The following GNL2 variants were observed in gnomAD, a reference collection of about 807,000 sequenced individuals.
The protein encoded by GNL2 is G protein nucleolar 2.
Under a neutral mutation model 92.3 loss-of-function variants are expected in GNL2, and 51 were observed. The ratio of observed to expected loss-of-function variants is 0.55; its 90% confidence interval spans 0.44 to 0.70. The LOEUF is 0.70. Among genes scored for constraint, GNL2 ranks in the 30% least tolerant of loss-of-function variants. The probability of loss-of-function intolerance (pLI) is 0.00; values close to 1 mark genes in which losing one functional copy is unlikely to be tolerated. For missense variants in GNL2, 844 were observed against 895.6 expected, an observed-to-expected ratio of 0.94 and a Z score of 0.74; for synonymous variants, 283 against 300.6, an observed-to-expected ratio of 0.94 and a Z score of 0.61.
Position 37,580,149 on chromosome 1 carries a change from C to T in GNL2, c.909+2074G>A, listed in dbSNP as rs181806275. Among the ~76,000 whole-genome samples, 11 of 152,210 alleles carry T rather than the reference C, an allele frequency of 7.2e-5. 1 individual carries two copies. The East Asian group carries it at 1.7e-3, about 24-fold the overall frequency. On this transcript the variant is annotated intron_variant, in intron 8 of 15. Transcript: ENST00000373062. The stretch of plus-strand genomic sequence containing the variant: ...AAATTTTAGAATAAGAAAAGATTGG[C>T]TGGGCGTGGTGGCACACACCTGTAA...
chr1:37,579,796 T>A (rs1223050004), intron 8 of GNL2, among the ~76,000 whole-genome samples: 5 of 145,820 alleles, frequency 3.4e-5, no homozygotes, highest in Non-Finnish European at 7.4e-5. Flanking sequence ...CTCGGGAGGC[T>A]GAGGCAGGAG....
intron 1 of GNL2, among the ~76,000 whole-genome samples, chr1:37,594,403 T>C (rs1176159366): frequency 6.6e-6 from 1 of 152,258 alleles, no homozygotes; most frequent in South Asian, 2.1e-4. Flanking sequence ...ACTTTCTTAA[T>C]GTTTGATTTT....
Position 37,590,669 on chromosome 1 carries a change from CAGGAAATTCCATCACCAGGGAT to C in GNL2, c.384+15_384+36del. The C allele has an allele frequency of 6.4e-7, 1 of 1,572,176 alleles. No homozygotes were observed. The highest frequency in any genetic ancestry group is 8.8e-7 in the Non-Finnish European group (1 of 1,142,710). On this transcript the variant is annotated intron_variant, in intron 4 of 15. Transcript: ENST00000373062. ...GAGAGGGATCTGCATGGAGTTTGCCCAGGAAATTCCATCACCAGGGATATCCTACATCTTACATGAGGCCGGA... is the reference window on the plus strand; with the variant it reads ...GAGAGGGATCTGCATGGAGTTTGCCCATCCTACATCTTACATGAGGCCGGA...
Position 37,575,372 on chromosome 1 carries a change from A to G in GNL2, c.1143+223T>C, listed in dbSNP as rs149620533. Among the ~76,000 whole-genome samples, 43 of 152,332 alleles carry G rather than the reference A, an allele frequency of 2.8e-4. No homozygotes were observed. The highest frequency in any genetic ancestry group is 1.0e-3 in the African/African-American group (43 of 41,580). ...CCTTTGGATCCTGTGTGTAAACTAC[A>G]AACTCTTTTGTGGGATGATATTGAC... is the stretch of plus-strand genomic sequence containing the variant. On this transcript the variant is annotated intron_variant, in intron 10 of 15. Transcript: ENST00000373062. This position sits in a 1 kb window ranked among gnomAD's most constrained non-coding sequence, Gnocchi z 4.1.
chr1:37,593,892 G>T, intron 1 of GNL2, 46 bp from the exon 2 acceptor site: 1 of 1,391,444 alleles, frequency 7.2e-7, no homozygotes, highest in Non-Finnish European at 1.0e-6. Flanking sequence ...TAACCAACCA[G>T]TATAACCAAC....
chr1:37,595,776 T>C lies in GNL2; in HGVS notation c.47A>G (p.Lys16Arg), dbSNP rs1443048935. Residue 16 changes from lysine (K) to arginine (R), a missense_variant, in exon 1 of 16, where the codon AAG (lysine) becomes AGG (arginine). Physicochemically the swap from Lys to Arg is conservative, Grantham distance 26. Transcript: ENST00000373062. ...YKGRSTINPS[K>R]ASTNPDRVQG... ...GCCTGTACCTGGGTTTGTGCTGGCC[T>C]TGGACGGGTTGATGGTGCTCCGTCC... is the stretch of plus-strand genomic sequence containing the variant. 6.2e-7 allele frequency: 1 copy of C among 1,614,080 alleles called. No homozygotes were observed. The highest frequency in any genetic ancestry group is 1.3e-5 in the African/African-American group (1 of 74,944).
At position 37,569,115 on chromosome 1, in the gene GNL2, T is replaced by TAA; in HGVS notation, c.1603_1604insTT (p.Lys535IlefsTer78). On this transcript the variant is annotated frameshift_variant, in exon 13 of 16. Transcript: ENST00000373062. LOFTEE classifies it high-confidence loss of function. ...AGAAAACTGAGGCACCACGTTGATT[T>TAA]TACCAAAGTTCTGCCGAACTCGTGT... 6.2e-7 allele frequency: 1 copy of TAA among 1,614,222 alleles called. No homozygotes were observed. The highest frequency in any genetic ancestry group is 8.5e-7 in the Non-Finnish European group (1 of 1,180,044).
chr1:37,583,900 T>C lies in GNL2; in HGVS notation c.603A>G (p.Gly201=). The change falls in exon 6 of 16, where the codon GGA becomes GGG. Residue 201 remains glycine, a synonymous_variant. Coordinates refer to ENST00000373062, the MANE Select transcript of GNL2 (RefSeq NM_013285.3). ...NEAQEEIYKK[G]QSKRIWGELY... ...GCTCACCCCATATTCTTTTGGACTGTCCCTTTTTATAGATCTCTTCTTGAG... is the reference window on the plus strand; with the variant it reads ...GCTCACCCCATATTCTTTTGGACTGCCCCTTTTTATAGATCTCTTCTTGAG... 3 of 1,589,232 alleles carry C rather than the reference T, an allele frequency of 1.9e-6. No individual in the cohort carries two copies. Among genetic ancestry groups the C allele is most frequent in the Non-Finnish European group, 2.6e-6 (3 of 1,157,056 alleles).
At chr1:37,593,950 A>C in intron 1 of GNL2, 104 bp from the exon 2 acceptor site, 1 of 749,678 alleles carries the variant, frequency 1.3e-6, no homozygotes, top group Non-Finnish European at 2.2e-6. Context: ...ATTAGGTAAG[A>C]AGCCACCAAC....
At chr1:37,574,195 A>G in intron 12 of GNL2, 148 bp downstream of exon 12, 2 of 429,504 alleles carry the variant, frequency 4.7e-6, no homozygotes, top group South Asian at 1.3e-4. Flanking sequence ...CCCGGCCCCA[A>G]AAATATTTTT....
intron 4 of GNL2, among the ~76,000 whole-genome samples, chr1:37,588,483 C>T (rs1643869634): frequency 6.6e-6 from 1 of 152,136 alleles, no homozygotes; most frequent in Admixed American, 6.6e-5. Flanking sequence ...CTACGTTCCA[C>T]TCGGGAGCAT....
In GNL2 at chr1:37,575,085, TG is replaced by T. The variant is rs1159824386; in HGVS notation, c.1144-263del. Among the ~76,000 whole-genome samples, 2 of 152,132 alleles carry T rather than the reference TG, an allele frequency of 1.3e-5. No homozygotes were observed. Among genetic ancestry groups the T allele is most frequent in the African/African-American group, 4.8e-5 (2 of 41,418 alleles). ...CTGTGTGGCTGCCACAGTTTAAACT[TG>T]GAATGCTTCATGTTACTCACTTGCA... On this transcript the variant is annotated intron_variant, in intron 10 of 15. Coordinates refer to ENST00000373062, the MANE Select transcript of GNL2 (RefSeq NM_013285.3). This position sits in a 1 kb window ranked among gnomAD's most constrained non-coding sequence, Gnocchi z 4.1.
At chr1:37,590,098 C>T (rs777847769) in intron 4 of GNL2, among the ~76,000 whole-genome samples, 3 of 152,108 alleles carry the variant, frequency 2.0e-5, no homozygotes, top group Non-Finnish European at 4.4e-5. Flanking sequence ...CCAAGGAGGT[C>T]GGTTATCTAT....
chr1:37,582,244 C>A lies in GNL2; in HGVS notation c.888G>T (p.Gln296His). ...ATACCTTTCCAAACTGCCGCAGAAGCTGAATGAATGCTCCCTTGCCAAACG... is the reference window on the plus strand; with the variant it reads ...ATACCTTTCCAAACTGCCGCAGAAGATGAATGAATGCTCCCTTGCCAAACG... ...TNPFGKGAFI[Q>H]LLRQFGKLHT... Residue 296 changes from glutamine (Q) to histidine (H), a missense_variant, in exon 8 of 16, where the codon CAG (glutamine) becomes CAT (histidine). By Grantham distance (24) the Gln-to-His change is conservative (BLOSUM62 0). Transcript: ENST00000373062. 6.2e-7 allele frequency: 1 copy of A among 1,611,598 alleles called. No individual in the cohort carries two copies. The highest frequency in any genetic ancestry group is 1.1e-5 in the South Asian group (1 of 90,760).
At chr1:37,578,294 C>T (rs1643709563) in intron 8 of GNL2, among the ~76,000 whole-genome samples, 1 of 151,952 alleles carries the variant, frequency 6.6e-6, no homozygotes, top group African/African-American at 2.4e-5. Context: ...CAAAAATTAA[C>T]CAGGTCTGGT....
intron 2 of GNL2, 137 bp downstream of exon 2, chr1:37,593,625 C>A: frequency 3.3e-6 from 2 of 614,022 alleles, no homozygotes; most frequent in Non-Finnish European, 5.8e-6. Context: ...TAACGACACT[C>A]ACGTACAATT....
At position 37,567,808 on chromosome 1, in the gene GNL2, T is replaced by G. The variant is rs376833080; in HGVS notation, c.1952-44A>C. 1.1e-5 allele frequency: 17 copies of G among 1,500,650 alleles called. No individual in the cohort carries two copies. In the African/African-American group the frequency reaches 2.2e-4, roughly 19 times the overall value. The allele number at this position is 1,500,650 out of a possible 1,614,324, so 93.0% of individuals were successfully genotyped here. A position where few individuals can be genotyped will look rare whatever the true frequency, so the allele number is the denominator to read the frequency against. On this transcript the variant is annotated intron_variant, in intron 14 of 15. Coordinates refer to ENST00000373062, the MANE Select transcript of GNL2 (RefSeq NM_013285.3). ...CAAACAGGAATTTTCTATTGAAAAT[T>G]TGTCTATAAACCCAACGGTGGGAAC...
intron 9 of GNL2, chr1:37,576,198 A>G (rs1643674616): frequency 2.2e-6 from 1 of 454,952 alleles, no homozygotes; most frequent in Admixed American, 4.0e-5. Flanking sequence ...CTAAATATGA[A>G]TCACATTAAC....
chr1:37,584,905 C>A (rs1643828193), intron 5 of GNL2, among the ~76,000 whole-genome samples: 1 of 151,748 alleles, frequency 6.6e-6, no homozygotes, highest in Admixed American at 6.6e-5. Context: ...CATGGTGAAA[C>A]CCTGTCTCTA....
Sources: gnomAD v4.1 joint callset for allele counts (sites outside exome capture counted in the v4.1 genomes callset) on GRCh38, gnomAD v4.1.1 for gene constraint, Gnocchi (gnomAD v3.1) non-coding constraint, MANE v1.5 for transcripts, NCBI Gene and HGNC (gene_info 2026-07-23, HGNC 2026-07-21) for gene names.